The following RUNX1T1 variants were observed in gnomAD, a reference collection of about 807,000 sequenced individuals.
The protein encoded by RUNX1T1 is protein CBFA2T1.
RUNX1T1 carries 4 observed loss-of-function variants against 62.8 expected under a neutral mutation model. That is an observed-to-expected ratio of 0.06 (90% confidence interval 0.03 to 0.15). RUNX1T1 has a LOEUF of 0.15. Among genes scored for constraint, RUNX1T1 ranks in the 10% least tolerant of loss-of-function variants. RUNX1T1 has a pLI of 1.00. For missense variants in RUNX1T1, 508 were observed against 754.3 expected (o/e 0.67, Z 3.82); for synonymous variants, 291 against 286.0 (o/e 1.02, Z -0.18).
intron 1 of RUNX1T1, among the ~76,000 whole-genome samples, chr8:92,077,483 C>G (rs921066666): frequency 6.6e-5 from 10 of 151,956 alleles, no homozygotes; most frequent in African/African-American, 2.2e-4. Flanking sequence ...GTAAATACAT[C>G]TAGATGTTAA....
chr8:91,979,937 G>A, intron 8 of RUNX1T1: 1 of 513,516 alleles, frequency 1.9e-6, no homozygotes, highest in Non-Finnish European at 3.8e-6. Context: ...TCATCCTGTA[G>A]TGGGCAGAAT....
chr8:92,069,454 G>A lies in RUNX1T1; in HGVS notation c.88+6511C>T, dbSNP rs561016464. Among the ~76,000 whole-genome samples, 92 of 151,640 alleles carry A rather than the reference G, an allele frequency of 6.1e-4. 1 individual carries two copies. Among genetic ancestry groups the A allele is most frequent in the African/African-American group, 2.0e-3 (84 of 41,382 alleles). ...TTTTTTCATCATATTTTCTTTCACA[G>A]GACTTTCATCTCTAATAAATTCTCC... is the stretch of plus-strand genomic sequence containing the variant. On this transcript the variant is annotated intron_variant, in intron 2 of 11. Coordinates refer to the RUNX1T1 transcript ENST00000265814.
At chr8:91,960,309 G>A in exon 11 of RUNX1T1, 2 of 1,611,178 alleles carry the variant, frequency 1.2e-6, no homozygotes, top group Non-Finnish European at 1.7e-6. Flanking sequence ...GGCTGCTGGT[G>A]GTGTGTCCAT....
intron 6 of RUNX1T1, among the ~76,000 whole-genome samples, chr8:91,991,375 G>T (rs540571467): frequency 1.3e-5 from 2 of 152,090 alleles, no homozygotes; most frequent in Non-Finnish European, 2.9e-5. Flanking sequence ...ACAATTGAGG[G>T]TCTTGTATTA....
At chr8:91,975,476 G>T (rs1563643952) in intron 9 of RUNX1T1, among the ~76,000 whole-genome samples, 1 of 149,118 alleles carries the variant, frequency 6.7e-6, no homozygotes. Flanking sequence ...TAGATTTGAT[G>T]TTGGTTTCGT....
intron 1 of RUNX1T1, among the ~76,000 whole-genome samples, chr8:92,083,009 G>A (rs966696561): frequency 1.3e-5 from 2 of 152,044 alleles, no homozygotes; most frequent in Admixed American, 6.6e-5. Context: ...AGCCTTGTTC[G>A]GACCCTTGAT....
At chr8:92,001,465 T>A (rs1258218970) in intron 5 of RUNX1T1, among the ~76,000 whole-genome samples, 7 of 152,190 alleles carry the variant, frequency 4.6e-5, no homozygotes, top group Non-Finnish European at 7.3e-5. Flanking sequence ...TTTTAGAGAA[T>A]AATGTTTAAC....
chr8:92,103,159 T>C (rs1808451014), upstream of RUNX1T1: 2 of 366,714 alleles, frequency 5.5e-6, no homozygotes, highest in Non-Finnish European at 9.7e-6. Flanking sequence ...GGAGCTCTGC[T>C]CCCCTCCTCC....
intron 2 of RUNX1T1, among the ~76,000 whole-genome samples, chr8:92,016,842 A>T (rs1587023031): frequency 1.3e-5 from 2 of 152,238 alleles, no homozygotes; most frequent in East Asian, 3.8e-4. Flanking sequence ...AGTAACCTAG[A>T]AATAATAATA....
At chr8:92,102,752 G>A (rs1284448268), upstream of RUNX1T1, 3 of 1,217,410 alleles carry the variant, frequency 2.5e-6, no homozygotes, top group African/African-American at 1.6e-5. The surrounding 1 kb of genome is among the most constrained non-coding windows in gnomAD (Gnocchi z 4.5). Context: ...CCTCGCGGTC[G>A]AATAATCCAA....
chr8:92,102,746 G>A (rs892124876), upstream of RUNX1T1: 1 of 1,141,144 alleles, frequency 8.8e-7, no homozygotes, highest in African/African-American at 1.6e-5. This position sits in a 1 kb window ranked among gnomAD's most constrained non-coding sequence, Gnocchi z 4.5. Flanking sequence ...CTGGAGCCTC[G>A]CGGTCGAATA....
chr8:92,069,776 T>C lies in RUNX1T1; in HGVS notation c.88+6189A>G, dbSNP rs567716529. 4.6e-5 allele frequency among the ~76,000 whole-genome samples: 7 copies of C among 152,314 alleles called. 1 individual carries two copies. The South Asian group carries it at 1.2e-3, about 27-fold the overall frequency. On this transcript the variant is annotated intron_variant, in intron 2 of 11. Coordinates refer to the RUNX1T1 transcript ENST00000265814. Reference sequence around the variant, plus strand: ...TACACTCAAGAATGGTTAAAGCCTATAAATCTCAATGCAATTCCCTTACTC... The same window carrying C: ...TACACTCAAGAATGGTTAAAGCCTACAAATCTCAATGCAATTCCCTTACTC...
chr8:92,068,865 C>T (rs1365941682), intron 2 of RUNX1T1, among the ~76,000 whole-genome samples: 1 of 152,138 alleles, frequency 6.6e-6, no homozygotes, highest in Non-Finnish European at 1.5e-5. Context: ...ATCTCACTAC[C>T]TTTGCCTTCT....
intron 1 of RUNX1T1, among the ~76,000 whole-genome samples, chr8:92,059,843 C>T (rs1831620306): frequency 6.6e-6 from 1 of 151,838 alleles, no homozygotes; most frequent in Admixed American, 6.6e-5. Context: ...GAAACTTGAA[C>T]TTAAAAAAAA....
At chr8:91,970,964 C>A in intron 9 of RUNX1T1, 116 bp from the exon 11 acceptor site, 13 of 811,048 alleles carry the variant, frequency 1.6e-5, no homozygotes, top group South Asian at 2.5e-5. Context: ...GGTCTCGAAC[C>A]CCTGGGCTCA....
chr8:92,089,090 C>T (rs2130884059), intron 1 of RUNX1T1, among the ~76,000 whole-genome samples: 1 of 152,224 alleles, frequency 6.6e-6, no homozygotes, highest in African/African-American at 2.4e-5. Context: ...CAAACCAATC[C>T]CTGACATCCT....
chr8:92,073,343 T>A (rs985043848), intron 2 of RUNX1T1, among the ~76,000 whole-genome samples: 1 of 152,298 alleles, frequency 6.6e-6, no homozygotes, highest in South Asian at 2.1e-4. Flanking sequence ...GCTGGTGGCA[T>A]ACCCCTTTAG....
chr8:92,010,871 C>T (rs909854026), intron 4 of RUNX1T1, 131 bp downstream of exon 5: 1 of 562,210 alleles, frequency 1.8e-6, no homozygotes, highest in African/African-American at 1.9e-5. Context: ...GTCATAAATA[C>T]AATCGATTCA....
At chr8:92,071,129 C>T (rs1833610046) in intron 2 of RUNX1T1, 1 of 152,240 alleles carries the variant, frequency 6.6e-6, no homozygotes, top group South Asian at 2.1e-4. Context: ...CCTCCAGCTT[C>T]GTCAAAGAGT....
Sources: allele counts gnomAD v4.1 joint callset (sites outside exome capture counted in the v4.1 genomes callset), GRCh38; gene constraint gnomAD v4.1.1; non-coding constraint Gnocchi (gnomAD v3.1); transcripts MANE v1.5; gene names NCBI Gene and HGNC (gene_info 2026-07-23, HGNC 2026-07-21).